The following PHACTR3 variants were observed in gnomAD, a reference collection of about 807,000 sequenced individuals.
PHACTR3 encodes protein phosphatase 1, regulatory subunit 123.
A neutral mutation model predicts 66.8 loss-of-function variants in PHACTR3; 16 were observed. The observed-to-expected ratio is 0.24, with a 90% CI of 0.16 to 0.36. The LOEUF is 0.36. Among genes scored for constraint, PHACTR3 ranks in the 10% least tolerant of loss-of-function variants. PHACTR3 has a pLI of 1.00. For synonymous variants in PHACTR3, 323 were observed against 292.1 expected, an observed-to-expected ratio of 1.11 and a Z score of -1.08; for missense variants, 647 against 719.9, an observed-to-expected ratio of 0.90 and a Z score of 1.16.
At position 59,750,770 on chromosome 20, in the gene PHACTR3, C is replaced by T. The variant is rs2039550365; in HGVS notation, c.358+2935C>T. Among the ~76,000 whole-genome samples, 3 of 152,204 alleles carry T rather than the reference C, an allele frequency of 2.0e-5. No homozygotes were observed. The South Asian group carries it at 6.2e-4, about 32-fold the overall frequency. On this transcript the variant is annotated intron_variant, in intron 3 of 12. Coordinates refer to ENST00000371015, the MANE Select transcript of PHACTR3 (RefSeq NM_080672.5). ...TGCTCTGGGAGGGGACTTGGACTTG[C>T]TTTTCGCAGTCGACTCTTCTGTGCT... is the stretch of plus-strand genomic sequence containing the variant.
intron 8 of PHACTR3, among the ~76,000 whole-genome samples, chr20:59,809,223 G>A (rs954630204): frequency 1.3e-5 from 2 of 152,176 alleles, no homozygotes; most frequent in African/African-American, 4.8e-5. Flanking sequence ...CCGGCCCGGG[G>A]TGGGGCTGTG....
intron 1 of PHACTR3, among the ~76,000 whole-genome samples, chr20:59,649,960 A>C (rs952400239): frequency 6.6e-6 from 1 of 152,202 alleles, no homozygotes; most frequent in Non-Finnish European, 1.5e-5. Context: ...AATAGATATA[A>C]AGGGATTTGC....
intron 1 of PHACTR3, among the ~76,000 whole-genome samples, chr20:59,678,868 A>G (rs2036543306): frequency 6.7e-6 from 1 of 149,638 alleles, no homozygotes; most frequent in Admixed American, 6.7e-5. Context: ...TGGTTCTCAC[A>G]TCTTGGGAAC....
At chr20:59,630,750 GA>G (rs1184240741) in intron 1 of PHACTR3, among the ~76,000 whole-genome samples, 1 of 152,096 alleles carries the variant, frequency 6.6e-6, no homozygotes, top group African/African-American at 2.4e-5. Context: ...TCCCTTCACA[GA>G]GGCAGGGTCC....
At chr20:59,698,871 T>G (rs2146603668) in intron 1 of PHACTR3, among the ~76,000 whole-genome samples, 1 of 152,278 alleles carries the variant, frequency 6.6e-6, no homozygotes, top group Admixed American at 6.5e-5. Context: ...TTTCTCTCAG[T>G]TTGATAAGAA....
Position 59,767,219 on chromosome 20 carries a change from C to T in PHACTR3, c.575C>T (p.Ala192Val). Residue 192 changes from alanine to valine, a missense_variant, in exon 5 of 13, where the codon GCA becomes GTA. Ala to Val is a moderately conservative substitution (Grantham distance 64). Transcript: ENST00000371015. Reference protein sequence around the residue: ...KMPSASSGEEADAGSLLPTTN... With the variant: ...KMPSASSGEEVDAGSLLPTTN... ...CCTTCTGCATCCAGTGGTGAAGAAGCAGACGCTGGCAGCCTCCTGCCCACC... is the reference window on the plus strand; with the variant it reads ...CCTTCTGCATCCAGTGGTGAAGAAGTAGACGCTGGCAGCCTCCTGCCCACC... 1.2e-6 allele frequency: 2 copies of T among 1,614,260 alleles called. No homozygotes were observed. Among genetic ancestry groups the T allele is most frequent in the South Asian group, 1.1e-5 (1 of 91,084 alleles).
chr20:59,802,325 G>A (rs989894452), intron 7 of PHACTR3, among the ~76,000 whole-genome samples: 3 of 152,156 alleles, frequency 2.0e-5, no homozygotes, highest in South Asian at 2.1e-4. Context: ...ATTGGGTCCT[G>A]GGCACATCCA....
chr20:59,836,245 A>G, intron 8 of PHACTR3: 1 of 446,518 alleles, frequency 2.2e-6, no homozygotes, highest in Non-Finnish European at 3.9e-6. Flanking sequence ...CAGATCAGAA[A>G]AATGAAGACC....
At position 59,665,510 on chromosome 20, in the gene PHACTR3, G is replaced by A. The variant is rs1047139487; in HGVS notation, c.118+60378G>A. On this transcript the variant is annotated intron_variant, in intron 1 of 12. Coordinates refer to ENST00000371015, the MANE Select transcript of PHACTR3 (RefSeq NM_080672.5). ...AAGTAAAATGAATTTTTCATATTAC[G>A]ATTTTTTTTTTCCAGCAGATTTTAA... Among the ~76,000 whole-genome samples the A allele has an allele frequency of 4.0e-5, 6 of 151,212 alleles. No homozygotes were observed. The South Asian group carries it at 8.5e-4, about 21-fold the overall frequency.
chr20:59,710,273 A>G (rs1308072094), intron 1 of PHACTR3, among the ~76,000 whole-genome samples: 1 of 152,158 alleles, frequency 6.6e-6, no homozygotes, highest in Non-Finnish European at 1.5e-5. Flanking sequence ...TACTCATCCC[A>G]TTCTCCTGCT....
chr20:59,607,096 C>T (rs1294879853), intron 1 of PHACTR3, among the ~76,000 whole-genome samples: 1 of 152,138 alleles, frequency 6.6e-6, no homozygotes, highest in African/African-American at 2.4e-5. Context: ...AAGCACCTTG[C>T]CTGGCTGGCC....
intron 1 of PHACTR3, among the ~76,000 whole-genome samples, chr20:59,622,370 G>A (rs1178111160): frequency 3.3e-5 from 5 of 152,096 alleles, no homozygotes; most frequent in Non-Finnish European, 1.5e-5. Flanking sequence ...TAAACTGGGG[G>A]CAATGCTAGT....
intron 4 of PHACTR3, among the ~76,000 whole-genome samples, chr20:59,757,998 G>A (rs2039865226): frequency 6.6e-6 from 1 of 152,134 alleles, no homozygotes; most frequent in African/African-American, 2.4e-5. Flanking sequence ...ACAGCCCACA[G>A]AATGGAGAGA....
At chr20:59,605,338 G>A (rs1341732711) in intron 1 of PHACTR3, among the ~76,000 whole-genome samples, 1 of 152,328 alleles carries the variant, frequency 6.6e-6, no homozygotes, top group East Asian at 1.9e-4. Flanking sequence ...GATTTCCTGG[G>A]TAGAGCCGGG....
chr20:59,742,582 C>T (rs985081734), intron 1 of PHACTR3, among the ~76,000 whole-genome samples: 3 of 152,194 alleles, frequency 2.0e-5, no homozygotes, highest in Admixed American at 2.0e-4. Flanking sequence ...AGGTGGCAGC[C>T]TGGTGGGAGG....
At position 59,723,076 on chromosome 20, in the gene PHACTR3, T is replaced by A. The variant is rs941630046; in HGVS notation, c.119-20031T>A. Among the ~76,000 whole-genome samples, 6 of 137,312 alleles carry A rather than the reference T, an allele frequency of 4.4e-5. No individual in the cohort carries two copies. The South Asian group carries it at 1.2e-3, about 27-fold the overall frequency. 90.1% of individuals were successfully genotyped at this position (137,312 alleles called of 152,430 possible). A position where few individuals can be genotyped will look rare whatever the true frequency, so the allele number is the denominator to read the frequency against. On this transcript the variant is annotated intron_variant, in intron 1 of 12. Transcript: ENST00000371015. ...TCTTTCTTTCTCTTTCTTTCTTTCT[T>A]TCTTTCTTTCTTTCTTTCTTTCTTT...
At chr20:59,706,746 C>T (rs915486666) in intron 1 of PHACTR3, among the ~76,000 whole-genome samples, 3 of 152,282 alleles carry the variant, frequency 2.0e-5, no homozygotes, top group African/African-American at 7.2e-5. Context: ...CATGAAAAGC[C>T]AGAACAACCA....
intron 1 of PHACTR3, among the ~76,000 whole-genome samples, chr20:59,659,806 T>C (rs2035750428): frequency 6.6e-6 from 1 of 152,202 alleles, no homozygotes; most frequent in Admixed American, 6.5e-5. Context: ...ACTTTATATC[T>C]GCAGTACTAG....
intron 1 of PHACTR3, among the ~76,000 whole-genome samples, chr20:59,579,840 G>A (rs1416411543): frequency 6.6e-6 from 1 of 152,212 alleles, no homozygotes; most frequent in Admixed American, 6.5e-5. Context: ...TAGGTTTGGG[G>A]TCTGAGCACT....
Sources: gnomAD v4.1 joint callset for allele counts (sites outside exome capture counted in the v4.1 genomes callset) on GRCh38, gnomAD v4.1.1 for gene constraint, MANE v1.5 for transcripts, NCBI Gene and HGNC (gene_info 2026-07-23, HGNC 2026-07-21) for gene names.